Variants in HS6ST3 observed in about 807,000 individuals in gnomAD.
The protein encoded by HS6ST3 is heparan-sulfate 6-O-sulfotransferase 3.
A neutral mutation model predicts 36.7 loss-of-function variants in HS6ST3; 12 were observed. The observed-to-expected ratio is 0.33, with a 90% CI of 0.21 to 0.53. The LOEUF is 0.53. HS6ST3 is among the 20% of genes least tolerant of loss of function. The pLI is 0.95. For synonymous variants in HS6ST3, 240 were observed against 257.5 expected, an observed-to-expected ratio of 0.93 and a Z score of 0.65; for missense variants, 584 against 640.9, an observed-to-expected ratio of 0.91 and a Z score of 0.96.
chr13:96,235,545 A>G (rs1170671964), intron 1 of HS6ST3, among the ~76,000 whole-genome samples: 1 of 152,190 alleles, frequency 6.6e-6, no homozygotes, highest in African/African-American at 2.4e-5. Context: ...ATACCAACAA[A>G]AAGTTTTCAG....
At chr13:96,381,482 G>A (rs1267272817) in intron 1 of HS6ST3, among the ~76,000 whole-genome samples, 2 of 146,640 alleles carry the variant, frequency 1.4e-5, no homozygotes, top group African/African-American at 4.9e-5. Flanking sequence ...GGGGTTAAGA[G>A]TGCAGACTCT....
intron 1 of HS6ST3, among the ~76,000 whole-genome samples, chr13:96,271,574 A>G (rs1396318429): frequency 6.6e-6 from 1 of 151,886 alleles, no homozygotes; most frequent in Non-Finnish European, 1.5e-5. Context: ...GGACAACAGA[A>G]GCCACTTAGA....
At chr13:96,705,512 T>C (rs1024557521) in intron 1 of HS6ST3, among the ~76,000 whole-genome samples, 2 of 152,168 alleles carry the variant, frequency 1.3e-5, no homozygotes, top group Admixed American at 1.3e-4. Context: ...AAAAAGATAC[T>C]GAGCCTTAGG....
chr13:96,582,509 A>T (rs769265275), intron 1 of HS6ST3, among the ~76,000 whole-genome samples: 3 of 152,202 alleles, frequency 2.0e-5, no homozygotes. Flanking sequence ...CAGAAAATGG[A>T]AAGTTGAGGA....
At chr13:96,515,314 C>A (rs2056067957) in intron 1 of HS6ST3, among the ~76,000 whole-genome samples, 1 of 152,178 alleles carries the variant, frequency 6.6e-6, no homozygotes. Context: ...CACTAGGAGA[C>A]TTTCTAAGTC....
intron 1 of HS6ST3, among the ~76,000 whole-genome samples, chr13:96,183,389 T>C (rs1430097095): frequency 1.3e-5 from 2 of 152,216 alleles, no homozygotes; most frequent in Non-Finnish European, 2.9e-5. Flanking sequence ...TTTTGTTCAG[T>C]GTGCCTTAGG....
intron 1 of HS6ST3, among the ~76,000 whole-genome samples, chr13:96,376,178 A>C (rs1435357988): frequency 2.0e-5 from 3 of 152,200 alleles, no homozygotes; most frequent in Non-Finnish European, 4.4e-5. Context: ...AGCTAAGTGA[A>C]GAAAAATAAA....
intron 1 of HS6ST3, among the ~76,000 whole-genome samples, chr13:96,806,228 A>G (rs139794982): frequency 1.3e-3 from 200 of 152,342 alleles, no homozygotes; most frequent in African/African-American, 4.1e-3. Context: ...GGTCCAAAAC[A>G]TTCCTGAATT....
At chr13:96,525,437 G>C (rs951920287) in intron 1 of HS6ST3, among the ~76,000 whole-genome samples, 3 of 152,022 alleles carry the variant, frequency 2.0e-5, no homozygotes, top group Admixed American at 2.0e-4. Flanking sequence ...GGTTGCTCTG[G>C]TGCTTCTCCA....
chr13:96,573,669 G>T, intron 1 of HS6ST3: 1 of 290,260 alleles, frequency 3.4e-6, no homozygotes, highest in South Asian at 3.2e-5. Context: ...GTTGGCAGCA[G>T]GCTGTTGTGA....
chr13:96,210,134 TC>T (rs1438917308), intron 1 of HS6ST3, among the ~76,000 whole-genome samples: 1 of 152,186 alleles, frequency 6.6e-6, no homozygotes, highest in Non-Finnish European at 1.5e-5. Flanking sequence ...TTTTTTGCTA[TC>T]CAGTTTAATT....
At chr13:96,592,505 A>G (rs1220589440) in intron 1 of HS6ST3, among the ~76,000 whole-genome samples, 1 of 152,158 alleles carries the variant, frequency 6.6e-6, no homozygotes, top group Non-Finnish European at 1.5e-5. Context: ...TACTATTACC[A>G]GTGAGTTTTG....
chr13:96,595,664 G>A (rs1023865164), intron 1 of HS6ST3, among the ~76,000 whole-genome samples: 4 of 151,568 alleles, frequency 2.6e-5, no homozygotes, highest in African/African-American at 9.7e-5. Flanking sequence ...ACATTCTTAT[G>A]ACTTGAATAT....
rs137931193 is a variant in HS6ST3, at chr13:96,722,440, G to C, written c.708-110050G>C. Among the ~76,000 whole-genome samples, 129 of 152,174 alleles carry C rather than the reference G, an allele frequency of 8.5e-4. 1 individual carries two copies. Among genetic ancestry groups the C allele is most frequent in the South Asian group, 3.1e-3 (15 of 4,824 alleles). Reference sequence around the variant, plus strand: ...TTTAATCATTCCACTTGAGTCTCCTGCTTCTTTTTTGAATTCACATTTATG... The same window carrying C: ...TTTAATCATTCCACTTGAGTCTCCTCCTTCTTTTTTGAATTCACATTTATG... On this transcript the variant is annotated intron_variant, in intron 1 of 1. Coordinates refer to ENST00000376705, the MANE Select transcript of HS6ST3 (RefSeq NM_153456.4).
chr13:96,346,365 G>C (rs1458303746), intron 1 of HS6ST3, among the ~76,000 whole-genome samples: 1 of 152,040 alleles, frequency 6.6e-6, no homozygotes, highest in Non-Finnish European at 1.5e-5. Context: ...ATGAGATCAG[G>C]AGATCAAGAC....
chr13:96,301,762 T>C (rs1322503276), intron 1 of HS6ST3, among the ~76,000 whole-genome samples: 6 of 151,384 alleles, frequency 4.0e-5, no homozygotes, highest in Admixed American at 2.0e-4. Context: ...CAAAAAAAAT[T>C]AGTTGGGCAC....
intron 1 of HS6ST3, among the ~76,000 whole-genome samples, chr13:96,394,625 C>T (rs1009590607): frequency 1.8e-4 from 27 of 152,098 alleles, no homozygotes; most frequent in Non-Finnish European, 3.7e-4. Flanking sequence ...CTGTATAATC[C>T]TCATTGTGCA....
At chr13:96,637,362 G>A (rs919861902) in intron 1 of HS6ST3, among the ~76,000 whole-genome samples, 2 of 152,114 alleles carry the variant, frequency 1.3e-5, no homozygotes, top group Non-Finnish European at 2.9e-5. Flanking sequence ...CATGCTATCA[G>A]GATGTTAGAG....
At position 96,555,719 on chromosome 13, in the gene HS6ST3, G is replaced by A. The variant is rs571809349; in HGVS notation, c.708-276771G>A. Among the ~76,000 whole-genome samples, 6 of 151,624 alleles carry A rather than the reference G, an allele frequency of 4.0e-5. No homozygotes were observed. The East Asian group carries it at 7.8e-4, about 20-fold the overall frequency. ...GCCTAGAGCTCTATGAACAACTTTT[G>A]TTATTAGAAAATCTATGATCTGTAA... On this transcript the variant is annotated intron_variant, in intron 1 of 1. Transcript: ENST00000376705.
Sources: gnomAD v4.1 joint callset for allele counts (sites outside exome capture counted in the v4.1 genomes callset) on GRCh38, gnomAD v4.1.1 for gene constraint, MANE v1.5 for transcripts, NCBI Gene and HGNC (gene_info 2026-07-23, HGNC 2026-07-21) for gene names.